Variants in SLC4A4 observed in about 807,000 individuals in gnomAD.
SLC4A4 encodes the protein electrogenic sodium bicarbonate cotransporter 1.
A neutral mutation model predicts 111.5 loss-of-function variants in SLC4A4; 27 were observed. The ratio of observed to expected loss-of-function variants is 0.24; its 90% CI spans 0.18 to 0.33. SLC4A4 has a LOEUF of 0.33. Among genes scored for constraint, SLC4A4 ranks in the 10% least tolerant of loss-of-function variants. SLC4A4 has a pLI of 1.00. For missense variants in SLC4A4, 909 were observed against 1,315.5 expected (o/e 0.69, Z 4.78); for synonymous variants, 443 against 463.4 (o/e 0.96, Z 0.57).
At chr4:71,384,188 G>T (rs1016003972) in intron 6 of SLC4A4, among the ~76,000 whole-genome samples, 5 of 152,152 alleles carry the variant, frequency 3.3e-5, no homozygotes, top group African/African-American at 9.7e-5. Context: ...ACCCTAGATG[G>T]CACTTTAGCT....
At chr4:71,466,345 C>T (rs953603975) in intron 12 of SLC4A4, 99 bp from the exon 13 acceptor site, 1 of 1,352,824 alleles carries the variant, frequency 7.4e-7, no homozygotes. Context: ...CTAAGACCCT[C>T]CTAATAGTAT....
chr4:71,184,236 G>A (rs1745385047), upstream of SLC4A4, among the ~76,000 whole-genome samples: 1 of 152,134 alleles, frequency 6.6e-6, no homozygotes. Flanking sequence ...ACGCAGGGCC[G>A]ATCAATTGCA....
intron 2 of SLC4A4, among the ~76,000 whole-genome samples, chr4:71,151,723 A>G (rs1409835411): frequency 6.6e-6 from 1 of 150,522 alleles, no homozygotes; most frequent in African/African-American, 2.5e-5. Flanking sequence ...GTTCAAGGCT[A>G]GCTTGGGCAA....
intron 2 of SLC4A4, among the ~76,000 whole-genome samples, chr4:71,247,487 A>C (rs1010517231): frequency 6.6e-6 from 1 of 152,086 alleles, no homozygotes; most frequent in Non-Finnish European, 1.5e-5. Context: ...AGGCCACTGC[A>C]AAAAGAGAAG....
At chr4:71,318,593 G>C (rs1011103102) in intron 3 of SLC4A4, among the ~76,000 whole-genome samples, 1 of 151,984 alleles carries the variant, frequency 6.6e-6, no homozygotes, top group African/African-American at 2.4e-5. Flanking sequence ...TCAGAATTCT[G>C]TTTAGGGAAT....
At chr4:71,102,298 G>C (rs1161934854) in intron 2 of SLC4A4, among the ~76,000 whole-genome samples, 4 of 149,966 alleles carry the variant, frequency 2.7e-5, no homozygotes, top group East Asian at 2.0e-4. Flanking sequence ...CGTCTGATTG[G>C]TGTACCTGAA....
intron 13 of SLC4A4, among the ~76,000 whole-genome samples, chr4:71,466,979 G>GAGAGAGAGAGAGAGAGAGAGAGA (rs1363275518): frequency 6.2e-5 from 9 of 145,810 alleles, no homozygotes; most frequent in African/African-American, 1.5e-4. Context: ...GAGAGAGAGA[G>GAGAGAGAGAGAGAGAGAGAGAGA]GTCTGAGTAT....
intron 3 of SLC4A4, among the ~76,000 whole-genome samples, chr4:71,288,396 T>C (rs1724080860): frequency 6.8e-6 from 1 of 147,974 alleles, no homozygotes; most frequent in Non-Finnish European, 1.5e-5. Context: ...AGAACAAATA[T>C]AGGGTAGGGG....
chr4:71,547,522 A>G, intron 19 of SLC4A4, 126 bp from the exon 20 acceptor site: 2 of 789,038 alleles, frequency 2.5e-6, no homozygotes, highest in Non-Finnish European at 2.3e-6. Context: ...TTTACATGAT[A>G]TCAACACCTT....
At chr4:71,410,606 G>A (rs992787385) in intron 7 of SLC4A4, among the ~76,000 whole-genome samples, 1 of 152,172 alleles carries the variant, frequency 6.6e-6, no homozygotes, top group Non-Finnish European at 1.5e-5. Flanking sequence ...CCTTGTCTCA[G>A]GTGAGACTTT....
intron 8 of SLC4A4, among the ~76,000 whole-genome samples, chr4:71,442,225 A>AT (rs977150480): frequency 1.2e-4 from 19 of 152,178 alleles, no homozygotes; most frequent in Admixed American, 8.5e-4. Context: ...AATCATGACC[A>AT]TTTTTTGTGT....
At chr4:71,344,408 A>G (rs1729149237) in intron 4 of SLC4A4, among the ~76,000 whole-genome samples, 1 of 152,112 alleles carries the variant, frequency 6.6e-6, no homozygotes, top group Non-Finnish European at 1.5e-5. Flanking sequence ...TGTGATGTCT[A>G]GTTTCCAGAT....
intron 1 of SLC4A4, among the ~76,000 whole-genome samples, chr4:71,233,836 C>T (rs1183332210): frequency 1.3e-5 from 2 of 152,044 alleles, no homozygotes; most frequent in African/African-American, 4.8e-5. Context: ...ACATAGCAGC[C>T]AGGGTAATCT....
At chr4:71,195,828 G>A (rs188202822) in intron 1 of SLC4A4, among the ~76,000 whole-genome samples, 78 of 152,340 alleles carry the variant, frequency 5.1e-4, no homozygotes, top group Admixed American at 1.7e-3. Flanking sequence ...AACTCCAAAG[G>A]GAATGGGATT....
intron 4 of SLC4A4, among the ~76,000 whole-genome samples, chr4:71,342,172 C>T (rs888599568): frequency 1.3e-5 from 2 of 152,298 alleles, no homozygotes; most frequent in South Asian, 2.1e-4. Flanking sequence ...TTTGGGGCTT[C>T]CTCCCAGGAT....
intron 7 of SLC4A4, among the ~76,000 whole-genome samples, chr4:71,413,470 A>G (rs1721570597): frequency 6.6e-6 from 1 of 152,256 alleles, no homozygotes; most frequent in South Asian, 2.1e-4. Context: ...TAAAGCACTC[A>G]TCCAGACAGG....
At chr4:71,371,418 A>G (rs1014819053) in intron 6 of SLC4A4, among the ~76,000 whole-genome samples, 2 of 151,526 alleles carry the variant, frequency 1.3e-5, no homozygotes, top group Admixed American at 6.6e-5. Context: ...TAATTTTTGT[A>G]TTTTTAGTAG....
chr4:71,480,785 C>A, intron 14 of SLC4A4, among the ~76,000 whole-genome samples: 1 of 151,760 alleles, frequency 6.6e-6, no homozygotes, highest in South Asian at 2.1e-4. Flanking sequence ...ATAGCTGTAA[C>A]CCTAAGAAGC....
Position 71,240,858 on chromosome 4 carries a change from C to T in SLC4A4, c.73+4209C>T, listed in dbSNP as rs183711355. 2.7e-4 allele frequency among the ~76,000 whole-genome samples: 41 copies of T among 152,072 alleles called. No individual in the cohort carries two copies. The East Asian group carries it at 6.6e-3, about 24-fold the overall frequency. ...TCAAAGCCTGACGTGGTGGTCATGC[C>T]TATAATCCTAGCACTTTGGGAGGCC... On this transcript the variant is annotated intron_variant, in intron 2 of 25. Coordinates refer to ENST00000264485, the MANE Select transcript of SLC4A4 (RefSeq NM_001098484.3).
Sources: gnomAD v4.1 joint callset for allele counts (sites outside exome capture counted in the v4.1 genomes callset) on GRCh38, gnomAD v4.1.1 for gene constraint, MANE v1.5 for transcripts, NCBI Gene and HGNC (gene_info 2026-07-23, HGNC 2026-07-21) for gene names.